ZNF589: variants seen among roughly 807,000 people sequenced by gnomAD.
The protein encoded by ZNF589 is zinc finger protein 589.
ZNF589 carries 17 observed loss-of-function variants against 13.6 expected under a neutral mutation model. The observed-to-expected ratio is 1.25, with a 90% confidence interval of 0.86 to 1.88. ZNF589 has a LOEUF of 1.88. ZNF589 is among the 40% of genes most tolerant of loss of function. The pLI is 0.00. For missense variants in ZNF589, 407 were observed against 434.0 expected (o/e 0.94, Z 0.55); for synonymous variants, 148 against 161.6 (o/e 0.92, Z 0.64).
At chr3:48,242,979 G>T (rs994378068) in intron 1 of ZNF589, among the ~76,000 whole-genome samples, 1 of 151,568 alleles carries the variant, frequency 6.6e-6, no homozygotes, top group African/African-American at 2.4e-5. Context: ...AGGCTGAGGC[G>T]CAAGAATTGC....
At position 48,269,069 on chromosome 3, in the gene ZNF589, A is replaced by G; in HGVS notation, c.*283A>G. 1 of 655,260 alleles carries G rather than the reference A, an allele frequency of 1.5e-6. No individual in the cohort carries two copies. Among genetic ancestry groups the G allele is most frequent in the Non-Finnish European group, 2.7e-6 (1 of 375,532 alleles). The allele number at this position is 655,260 out of a possible 1,614,324, so 40.6% of individuals were successfully genotyped here. A position where few individuals can be genotyped will look rare whatever the true frequency, so the allele number is the denominator to read the frequency against. On this transcript the variant is annotated 3_prime_UTR_variant, in exon 4 of 4. Coordinates refer to ENST00000354698, the MANE Select transcript of ZNF589 (RefSeq NM_016089.3). Reference sequence around the variant, plus strand: ...GGGATTTAGCCGGAGGATAGTCCTCAATGGACACTGGAGGACACACACGGG... The same window carrying G: ...GGGATTTAGCCGGAGGATAGTCCTCGATGGACACTGGAGGACACACACGGG...
intron 1 of ZNF589, among the ~76,000 whole-genome samples, chr3:48,246,718 G>A (rs2033770576): frequency 6.6e-6 from 1 of 152,196 alleles, no homozygotes; most frequent in Non-Finnish European, 1.5e-5. Context: ...GCCCAGGCCG[G>A]AGTGCAGTGG....
chr3:48,250,306 CTTTTTTTTTT>C (rs34016179), intron 2 of ZNF589, among the ~76,000 whole-genome samples: 1 of 116,858 alleles, frequency 8.6e-6, no homozygotes, highest in East Asian at 2.4e-4. Context: ...TCTCTACTTT[CTTTTTTTTTT>C]TTTTTTTTTT....
intron 3 of ZNF589, among the ~76,000 whole-genome samples, chr3:48,265,696 T>C (rs1290912613): frequency 6.6e-6 from 1 of 152,172 alleles, no homozygotes; most frequent in African/African-American, 2.4e-5. Context: ...CTTCCTACTA[T>C]TTAGTAGTTC....
intron 2 of ZNF589, among the ~76,000 whole-genome samples, chr3:48,258,452 C>G (rs1259664512): frequency 1.3e-5 from 2 of 152,070 alleles, no homozygotes; most frequent in African/African-American, 4.8e-5. Flanking sequence ...CATAGAAAAC[C>G]GTGTCCTTGG....
At position 48,268,798 on chromosome 3, in the gene ZNF589, T is replaced by A. The variant is rs1559984214; in HGVS notation, c.*12T>A. ...TGTGCAGAGATTGAGGCCGAGGCTTTGTAAGGAGATCATGTCTCAACACAC... is the reference window on the plus strand; with the variant it reads ...TGTGCAGAGATTGAGGCCGAGGCTTAGTAAGGAGATCATGTCTCAACACAC... On this transcript the variant is annotated 3_prime_UTR_variant, in exon 4 of 4. Coordinates refer to ENST00000354698, the MANE Select transcript of ZNF589 (RefSeq NM_016089.3). 1 of 1,603,026 alleles carries A rather than the reference T, an allele frequency of 6.2e-7. No individual in the cohort carries two copies. The highest frequency in any genetic ancestry group is 1.7e-5 in the Admixed American group (1 of 59,178).
chr3:48,267,571 A>G (rs937400151), intron 3 of ZNF589, among the ~76,000 whole-genome samples: 4 of 151,876 alleles, frequency 2.6e-5, no homozygotes, highest in Non-Finnish European at 5.9e-5. Context: ...TAATTTTTGT[A>G]TTTTTAGTAG....
At chr3:48,251,024 T>C (rs2033832536) in intron 2 of ZNF589, among the ~76,000 whole-genome samples, 1 of 152,244 alleles carries the variant, frequency 6.6e-6, no homozygotes, top group Non-Finnish European at 1.5e-5. Context: ...GTGCTGGGAT[T>C]GCAGGTGTGA....
rs576086837 is a variant in ZNF589, at chr3:48,249,323, G to A, written c.96+1646G>A. 1.8e-4 allele frequency among the ~76,000 whole-genome samples: 28 copies of A among 152,202 alleles called. No individual in the cohort carries two copies. The South Asian group carries it at 3.1e-3, about 17-fold the overall frequency. Reference sequence around the variant, plus strand: ...TCACCATGTTAGCCAGGCTGGTCTCGAACTCCTGACCTCAGGTGATCTGCC... The same window carrying A: ...TCACCATGTTAGCCAGGCTGGTCTCAAACTCCTGACCTCAGGTGATCTGCC... On this transcript the variant is annotated intron_variant, in intron 2 of 3. Transcript: ENST00000354698.
intron 2 of ZNF589, among the ~76,000 whole-genome samples, chr3:48,252,437 C>T (rs1018901483): frequency 1.2e-4 from 18 of 151,402 alleles, no homozygotes; most frequent in African/African-American, 3.4e-4. Flanking sequence ...GTGATCCACC[C>T]GCCTCGGCCT....
At chr3:48,244,581 A>G (rs2033740035) in intron 1 of ZNF589, among the ~76,000 whole-genome samples, 2 of 152,104 alleles carry the variant, frequency 1.3e-5, no homozygotes, top group South Asian at 4.1e-4. Flanking sequence ...TCTTTATGAA[A>G]TCACTTGACA....
At position 48,260,807 on chromosome 3, in the gene ZNF589, AT is replaced by A. The variant is rs1233180304; in HGVS notation, c.97-3del. The A allele has an allele frequency of 4.3e-6, 7 of 1,614,102 alleles. No individual in the cohort carries two copies. The African/African-American group carries it at 9.3e-5, about 22-fold the overall frequency. On this transcript the variant is annotated splice_polypyrimidine_tract_variant and splice_region_variant and intron_variant, in intron 2 of 3. Coordinates refer to ENST00000354698, the MANE Select transcript of ZNF589 (RefSeq NM_016089.3). ...TTGATGAATATGAATTTATCGGTTG[AT>A]TTAGGGACCAGTGACTTTCGAGGAT...
intron 2 of ZNF589, among the ~76,000 whole-genome samples, chr3:48,253,801 G>A (rs984942402): frequency 7.2e-5 from 11 of 152,058 alleles, no homozygotes; most frequent in South Asian, 2.1e-4. Context: ...CGTGCCCGGC[G>A]CTAGTCAGAT....
At chr3:48,259,030 A>T (rs2033939039) in intron 2 of ZNF589, among the ~76,000 whole-genome samples, 1 of 152,196 alleles carries the variant, frequency 6.6e-6, no homozygotes, top group Non-Finnish European at 1.5e-5. Flanking sequence ...AAGGGGAAAG[A>T]TCACTGAGAA....
rs921457379 is a variant in ZNF589 at position 48,268,783 on chromosome 3, T to G, written c.1092T>G (p.Asp364Glu). The change falls in exon 4 of 4, where the codon GAT (aspartate) becomes GAG (glutamate). Residue 364 changes from aspartate (D) to glutamate (E), a missense_variant. By Grantham distance (45) the Asp-to-Glu change is conservative (BLOSUM62 2). Coordinates refer to ENST00000354698, the MANE Select transcript of ZNF589 (RefSeq NM_016089.3). The stretch of plus-strand genomic sequence containing the variant: ...GGGATAAGCCTTATGTGTGCAGAGA[T>G]TGAGGCCGAGGCTTTGTAAGGAGAT... ...HTGDKPYVCRD is the reference protein window; with the variant it reads ...HTGDKPYVCRE 6.2e-7 allele frequency: 1 copy of G among 1,608,358 alleles called. No individual in the cohort carries two copies. The highest frequency in any genetic ancestry group is 8.5e-7 in the Non-Finnish European group (1 of 1,177,470).
At chr3:48,266,782 A>T (rs2034023874) in intron 3 of ZNF589, among the ~76,000 whole-genome samples, 4 of 152,218 alleles carry the variant, frequency 2.6e-5, no homozygotes, top group Admixed American at 2.0e-4. Context: ...TCTATATATT[A>T]TCGCAACAGA....
chr3:48,251,362 A>C lies in ZNF589; in HGVS notation c.96+3685A>C, dbSNP rs1043263271. Among the ~76,000 whole-genome samples the C allele has an allele frequency of 4.0e-5, 6 of 151,330 alleles. No homozygotes were observed. The Admixed American group carries it at 4.0e-4, about 10-fold the overall frequency. The stretch of plus-strand genomic sequence containing the variant: ...CAGTGAGCTGAGATCACACCACTGC[A>C]CTCTAGCCTGGGTGACAGAGCAAGA... On this transcript the variant is annotated intron_variant, in intron 2 of 3. Coordinates refer to ENST00000354698, the MANE Select transcript of ZNF589 (RefSeq NM_016089.3).
chr3:48,263,989 T>C (rs1249172596), intron 3 of ZNF589, among the ~76,000 whole-genome samples: 2 of 152,224 alleles, frequency 1.3e-5, no homozygotes, highest in African/African-American at 4.8e-5. Flanking sequence ...GGTCTAGTTC[T>C]GCATTCTTAG....
intron 2 of ZNF589, among the ~76,000 whole-genome samples, chr3:48,255,675 G>T (rs760833022): frequency 6.6e-6 from 1 of 150,810 alleles, no homozygotes; most frequent in Non-Finnish European, 1.5e-5. Context: ...TGTGTTTTCA[G>T]TACAGACATG....
Sources: allele counts gnomAD v4.1 joint callset (sites outside exome capture counted in the v4.1 genomes callset), GRCh38; gene constraint gnomAD v4.1.1; transcripts MANE v1.5; gene names NCBI Gene and HGNC (gene_info 2026-07-23, HGNC 2026-07-21).